FGF14: variants seen among roughly 807,000 people sequenced by gnomAD.
FGF14 encodes fibroblast growth factor 14.
A neutral mutation model predicts 25.5 loss-of-function variants in FGF14; 5 were observed. The observed-to-expected ratio is 0.20, with a 90% CI of 0.10 to 0.41. FGF14 has a LOEUF of 0.41. Among genes scored for constraint, FGF14 ranks in the 10% least tolerant of loss-of-function variants. The pLI is 1.00. For missense variants in FGF14, 222 were observed against 320.1 expected (o/e 0.69, Z 2.34); for synonymous variants, 138 against 118.3 (o/e 1.17, Z -1.08).
intron 1 of FGF14, among the ~76,000 whole-genome samples, chr13:101,957,775 ACT>A (rs916044738): frequency 4.5e-4 from 68 of 152,058 alleles, no homozygotes; most frequent in African/African-American, 1.6e-3. Context: ...CACATATGAG[ACT>A]CAACTCTAGA....
intron 1 of FGF14, among the ~76,000 whole-genome samples, chr13:102,301,867 C>CACACACACA (rs1555397356): frequency 2.0e-5 from 3 of 148,100 alleles, no homozygotes; most frequent in Admixed American, 1.3e-4. Flanking sequence ...CACACACACA[C>CACACACACA]TTTACTCTCA....
At chr13:101,951,783 G>C (rs951274983) in intron 1 of FGF14, among the ~76,000 whole-genome samples, 2 of 152,122 alleles carry the variant, frequency 1.3e-5, no homozygotes, top group African/African-American at 4.8e-5. Context: ...AGCATACAGT[G>C]CAGCAGCATC....
chr13:102,087,101 G>A (rs148499863), intron 1 of FGF14, among the ~76,000 whole-genome samples: 215 of 152,294 alleles, frequency 1.4e-3, no homozygotes, highest in African/African-American at 4.8e-3. Flanking sequence ...AAATAATCCT[G>A]CCATAATGTA....
At chr13:101,959,494 C>T (rs1223321459) in intron 1 of FGF14, among the ~76,000 whole-genome samples, 3 of 152,204 alleles carry the variant, frequency 2.0e-5, no homozygotes, top group Non-Finnish European at 4.4e-5. Context: ...TCACAACTTT[C>T]AGTCGCATAT....
intron 3 of FGF14, among the ~76,000 whole-genome samples, chr13:101,792,209 T>C (rs542044317): frequency 1.3e-5 from 2 of 152,268 alleles, no homozygotes; most frequent in East Asian, 3.9e-4. Context: ...GATTAACAAC[T>C]ACAGTGAACT....
At chr13:102,231,458 G>A (rs1039318801) in intron 1 of FGF14, among the ~76,000 whole-genome samples, 1 of 152,172 alleles carries the variant, frequency 6.6e-6, no homozygotes, top group Non-Finnish European at 1.5e-5. Flanking sequence ...TTTAAAGCAA[G>A]AGCAGAAGGC....
chr13:101,784,409 A>G (rs538905407), intron 3 of FGF14, among the ~76,000 whole-genome samples: 17 of 152,304 alleles, frequency 1.1e-4, no homozygotes, highest in African/African-American at 4.1e-4. Context: ...CAATTTATTC[A>G]GATCCCACAA....
intron 3 of FGF14, among the ~76,000 whole-genome samples, chr13:101,780,058 T>C (rs976284229): frequency 1.3e-5 from 2 of 152,224 alleles, no homozygotes; most frequent in African/African-American, 4.8e-5. Context: ...ACTTCTTAAC[T>C]GACTGGCACT....
intron 3 of FGF14, among the ~76,000 whole-genome samples, chr13:101,751,834 A>G (rs73568251): frequency 0.037 from 5,563 of 152,214 alleles, 272 homozygotes; most frequent in African/African-American, 0.1. Flanking sequence ...TATTGGCTAA[A>G]TATAGCATTC....
intron 1 of FGF14, among the ~76,000 whole-genome samples, chr13:102,371,797 G>C (rs2057893171): frequency 6.6e-6 from 1 of 152,008 alleles, no homozygotes; most frequent in African/African-American, 2.4e-5. Context: ...GGAGTAATTA[G>C]GAATTGCTAC....
At chr13:102,169,902 G>C (rs898476941) in intron 1 of FGF14, among the ~76,000 whole-genome samples, 3 of 152,130 alleles carry the variant, frequency 2.0e-5, no homozygotes, top group Non-Finnish European at 2.9e-5. Context: ...AGACTGAAGG[G>C]CTGAAGTTTT....
chr13:101,870,203 T>C (rs2044975298), intron 2 of FGF14, among the ~76,000 whole-genome samples: 1 of 152,108 alleles, frequency 6.6e-6, no homozygotes, highest in Non-Finnish European at 1.5e-5. Flanking sequence ...TAAATATAGA[T>C]GTGGAGTTGT....
At chr13:102,043,673 T>C (rs1417832352) in intron 1 of FGF14, among the ~76,000 whole-genome samples, 2 of 152,114 alleles carry the variant, frequency 1.3e-5, no homozygotes, top group Non-Finnish European at 2.9e-5. Flanking sequence ...AAAGCAAATA[T>C]CTGACCGAAA....
At chr13:101,850,504 ATATATATATAGAATTATATATT>A (rs2043757130) in intron 3 of FGF14, among the ~76,000 whole-genome samples, 4 of 2,146 alleles carry the variant, frequency 1.9e-3, no homozygotes, top group Non-Finnish European at 4.6e-3. Context: ...ATATATATAT[ATATATATATAGAATTATATATT>A]CTATATATAT....
rs902576925 is a variant in FGF14 at position 102,315,147 on chromosome 13, T to TCA, written c.208+86322_208+86323dup. ...ATATGTATATTGTGTGAATATTATA[T>TCA]CACACACACACACATGCCTTCCCTA... On this transcript the variant is annotated intron_variant, in intron 1 of 4. Coordinates refer to the FGF14 transcript ENST00000376131. 5.3e-5 allele frequency among the ~76,000 whole-genome samples: 8 copies of TCA among 151,626 alleles called. 1 individual carries two copies. Among genetic ancestry groups the TCA allele is most frequent in the Middle Eastern group, 6.8e-3 (2 of 294 alleles).
chr13:101,918,765 TGA>T (rs2033771428), upstream of FGF14, among the ~76,000 whole-genome samples: 2 of 152,230 alleles, frequency 1.3e-5, no homozygotes, highest in African/African-American at 2.4e-5. Flanking sequence ...TGCAACCTGA[TGA>T]GAGTGTGTAG....
intron 1 of FGF14, among the ~76,000 whole-genome samples, chr13:102,341,782 T>A (rs1270430558): frequency 6.6e-6 from 1 of 152,176 alleles, no homozygotes; most frequent in African/African-American, 2.4e-5. Flanking sequence ...GCAACAATAG[T>A]TGACCTACTG....
In FGF14 at chr13:102,337,016, T is replaced by C. The variant is rs2056808119; in HGVS notation, c.208+64455A>G. On this transcript the variant is annotated intron_variant, in intron 1 of 4. Coordinates refer to the FGF14 transcript ENST00000376131. ...TGGAGATTGTACAGGAGATTAATGT[T>C]GTTTTCATGCCTGTTAACACAACAT... Among the ~76,000 whole-genome samples the C allele has an allele frequency of 2.0e-5, 3 of 152,358 alleles. No homozygotes were observed. The South Asian group carries it at 6.2e-4, about 32-fold the overall frequency.
At chr13:102,341,107 G>A (rs915908124) in intron 1 of FGF14, among the ~76,000 whole-genome samples, 4 of 152,006 alleles carry the variant, frequency 2.6e-5, no homozygotes, top group African/African-American at 4.8e-5. Flanking sequence ...AAAAGTAAAA[G>A]GGGGGAAAAA....
Sources: gnomAD v4.1 joint callset for allele counts (sites outside exome capture counted in the v4.1 genomes callset) on GRCh38, gnomAD v4.1.1 for gene constraint, MANE v1.5 for transcripts, NCBI Gene and HGNC (gene_info 2026-07-23, HGNC 2026-07-21) for gene names.